The following CSMD1 variants were observed in gnomAD, a reference collection of about 807,000 sequenced individuals.
CSMD1 encodes CUB and sushi domain-containing protein 1.
CSMD1 carries 213 observed loss-of-function variants against 417.5 expected under a neutral mutation model. The ratio of observed to expected loss-of-function variants is 0.51; its 90% CI spans 0.46 to 0.57. CSMD1 has a LOEUF of 0.57. Ranked by LOEUF, CSMD1 falls within the 20% of genes least tolerant of loss-of-function variation. The probability of loss-of-function intolerance (pLI) is 0.00; values close to 1 mark genes in which losing one functional copy is unlikely to be tolerated. For synonymous variants in CSMD1, 2,862 were observed against 1,736.8 expected (o/e 1.65, Z -16.11); for missense variants, 6,923 against 4,529.7 (o/e 1.53, Z -15.17).
chr8:4,194,428 T>G (rs955678773), intron 3 of CSMD1, among the ~76,000 whole-genome samples: 3 of 152,168 alleles, frequency 2.0e-5, no homozygotes, highest in Non-Finnish European at 4.4e-5. Flanking sequence ...GTAAAATATC[T>G]AACAATAAAT....
intron 39 of CSMD1, among the ~76,000 whole-genome samples, chr8:3,156,279 C>A (rs567162325): frequency 2.6e-5 from 4 of 152,246 alleles, no homozygotes; most frequent in Non-Finnish European, 5.9e-5. Context: ...CTTGAGTGTT[C>A]GAAGACTGTG....
rs147080267 is a variant in CSMD1 at position 3,925,950 on chromosome 8, T to A, written c.818+71953A>T. ...GTACAGCAGCCAAGCAGTAAAGGCT[T>A]TTCCTTATACCTTTAACCTCAGTCA... On this transcript the variant is annotated intron_variant, in intron 5 of 69. Transcript: ENST00000635120. Among the ~76,000 whole-genome samples, 382 of 151,590 alleles carry A rather than the reference T, an allele frequency of 2.5e-3. 1 individual carries two copies. Among genetic ancestry groups the A allele is most frequent in the African/African-American group, 8.8e-3 (364 of 41,282 alleles).
intron 1 of CSMD1, among the ~76,000 whole-genome samples, chr8:4,744,671 G>A (rs1372987444): frequency 6.6e-6 from 1 of 151,986 alleles, no homozygotes; most frequent in African/African-American, 2.4e-5. Flanking sequence ...ACCAGTCTCT[G>A]GACCTTGTCA....
intron 1 of CSMD1, among the ~76,000 whole-genome samples, chr8:4,754,569 G>A (rs1299373713): frequency 6.6e-6 from 1 of 151,218 alleles, no homozygotes; most frequent in South Asian, 2.1e-4. Flanking sequence ...AAGCCAAGTA[G>A]GGCCAGGCGC....
chr8:4,057,219 G>A (rs1409697712), intron 3 of CSMD1, among the ~76,000 whole-genome samples: 1 of 152,054 alleles, frequency 6.6e-6, no homozygotes, highest in African/African-American at 2.4e-5. Context: ...TTTAATGATT[G>A]CCATTCTAAC....
chr8:3,077,934 A>T (rs1003303003), intron 49 of CSMD1, among the ~76,000 whole-genome samples: 2 of 152,200 alleles, frequency 1.3e-5, no homozygotes, highest in Admixed American at 1.3e-4. Flanking sequence ...CCTCCTGCTG[A>T]AGTGGAAAGT....
chr8:4,721,507 T>C (rs544302775), intron 1 of CSMD1, among the ~76,000 whole-genome samples: 2 of 152,138 alleles, frequency 1.3e-5, no homozygotes, highest in Non-Finnish European at 2.9e-5. Context: ...ATCAAAACTA[T>C]GAAATATTAC....
intron 3 of CSMD1, among the ~76,000 whole-genome samples, chr8:4,322,820 C>A (rs536878397): frequency 6.6e-6 from 1 of 152,086 alleles, no homozygotes; most frequent in Non-Finnish European, 1.5e-5. Context: ...CATGGTGAAA[C>A]CCCAACTCTC....
intron 7 of CSMD1, among the ~76,000 whole-genome samples, chr8:3,650,466 C>A (rs1015928015): frequency 6.6e-6 from 1 of 152,106 alleles, no homozygotes; most frequent in Non-Finnish European, 1.5e-5. Flanking sequence ...ACTCATCATG[C>A]TCTAGGACTA....
intron 12 of CSMD1, among the ~76,000 whole-genome samples, chr8:3,431,684 C>T (rs1458951927): frequency 6.6e-6 from 1 of 152,134 alleles, no homozygotes; most frequent in Non-Finnish European, 1.5e-5. Context: ...AACATATGAC[C>T]CATAGTCTTG....
intron 3 of CSMD1, among the ~76,000 whole-genome samples, chr8:4,295,114 A>ATATAATCTTAAGATTACG: frequency 1.9e-5 from 2 of 103,440 alleles, no homozygotes; most frequent in African/African-American, 5.9e-5. Flanking sequence ...TCTTAAGATT[A>ATATAATCTTAAGATTACG]CACACATATA....
chr8:3,908,493 T>C (rs1472229307), intron 5 of CSMD1, among the ~76,000 whole-genome samples: 1 of 152,104 alleles, frequency 6.6e-6, no homozygotes, highest in African/African-American at 2.4e-5. Flanking sequence ...CAGTATCCCC[T>C]GGTAAAAAAA....
intron 3 of CSMD1, among the ~76,000 whole-genome samples, chr8:4,389,189 T>A (rs1052312371): frequency 1.1e-4 from 16 of 152,234 alleles, no homozygotes; most frequent in African/African-American, 3.9e-4. Context: ...ACTGGCCTGT[T>A]ACTTTTTCTG....
chr8:4,656,696 C>G (rs1804254638), intron 1 of CSMD1, among the ~76,000 whole-genome samples: 2 of 152,082 alleles, frequency 1.3e-5, no homozygotes, highest in South Asian at 4.1e-4. Flanking sequence ...CAGTTACCTG[C>G]CAGAGCAACA....
At chr8:3,917,100 T>C (rs1390977334) in intron 5 of CSMD1, among the ~76,000 whole-genome samples, 1 of 152,188 alleles carries the variant, frequency 6.6e-6, no homozygotes, top group Non-Finnish European at 1.5e-5. Flanking sequence ...ATTCAGAATT[T>C]TAAAATCTTT....
At chr8:3,995,963 C>T (rs577165686) in intron 5 of CSMD1, among the ~76,000 whole-genome samples, 1 of 152,270 alleles carries the variant, frequency 6.6e-6, no homozygotes, top group South Asian at 2.1e-4. Context: ...GATCCAGGCA[C>T]CAAGAAGACA....
At chr8:4,009,562 T>A (rs992864709) in intron 4 of CSMD1, among the ~76,000 whole-genome samples, 1 of 152,216 alleles carries the variant, frequency 6.6e-6, no homozygotes, top group Non-Finnish European at 1.5e-5. Context: ...AAAATGCAGG[T>A]TATACAGTTG....
intron 23 of CSMD1, among the ~76,000 whole-genome samples, chr8:3,319,650 T>C (rs1194310992): frequency 6.6e-6 from 1 of 152,108 alleles, no homozygotes; most frequent in Non-Finnish European, 1.5e-5. Context: ...TGATTATTTT[T>C]AAAGATGGGA....
At chr8:3,748,423 T>C (rs1168453545) in intron 6 of CSMD1, among the ~76,000 whole-genome samples, 2 of 152,242 alleles carry the variant, frequency 1.3e-5, no homozygotes, top group East Asian at 1.9e-4. Flanking sequence ...AGGAGGCCCA[T>C]GTGGAGGTTT....
Sources: gnomAD v4.1 joint callset for allele counts (sites outside exome capture counted in the v4.1 genomes callset) on GRCh38, gnomAD v4.1.1 for gene constraint, MANE v1.5 for transcripts, NCBI Gene and HGNC (gene_info 2026-07-23, HGNC 2026-07-21) for gene names.